SASH1: variants seen among roughly 807,000 people sequenced by gnomAD.
SASH1 encodes the protein SAM and SH3 domain-containing protein 1.
In SASH1, 44 loss-of-function variants were observed where a neutral mutation model predicts 125.2. The ratio of observed to expected loss-of-function variants is 0.35; its 90% CI spans 0.28 to 0.45. SASH1 has a LOEUF of 0.45. Ranked by LOEUF, SASH1 falls within the 20% of genes least tolerant of loss-of-function variation. The pLI is 1.00. For missense variants in SASH1, 1,426 were observed against 1,614.5 expected (o/e 0.88, Z 2.00); for synonymous variants, 639 against 649.1 (o/e 0.98, Z 0.24).
the SASH1 span, among the ~76,000 whole-genome samples, chr6:148,199,726 G>A: frequency 6.6e-6 from 1 of 151,050 alleles, no homozygotes; most frequent in Non-Finnish European, 1.5e-5. Context: ...GAAAGGAAGG[G>A]AGAGTGAGAG....
the SASH1 span, among the ~76,000 whole-genome samples, chr6:148,266,632 G>A: frequency 2.0e-5 from 3 of 151,990 alleles, no homozygotes; most frequent in Non-Finnish European, 4.4e-5. Context: ...ACAGGGTCTT[G>A]TTCTATTGCC....
the SASH1 span, among the ~76,000 whole-genome samples, chr6:148,234,491 C>T: frequency 6.6e-6 from 1 of 151,902 alleles, no homozygotes; most frequent in Non-Finnish European, 1.5e-5. Flanking sequence ...CATATCTGGG[C>T]TAGTCTGAGT....
chr6:148,505,142 T>C (rs567069276), intron 8 of SASH1, among the ~76,000 whole-genome samples: 8 of 152,318 alleles, frequency 5.3e-5, no homozygotes, highest in African/African-American at 9.6e-5. Context: ...CTGCCTATCT[T>C]AGAAATGAGA....
chr6:148,498,871 G>A (rs866338479), intron 8 of SASH1, among the ~76,000 whole-genome samples: 10 of 152,102 alleles, frequency 6.6e-5, no homozygotes, highest in African/African-American at 7.2e-5. Flanking sequence ...TTGCCCTAGC[G>A]CCGGTCCTTA....
chr6:148,547,814 A>AT (rs1391545015), intron 19 of SASH1, among the ~76,000 whole-genome samples: 2 of 152,176 alleles, frequency 1.3e-5, no homozygotes, highest in Admixed American at 1.3e-4. Context: ...ATATTATTGT[A>AT]TTTTAAATTC....
At chr6:148,267,364 T>TG (rs1339661511), upstream of SASH1, among the ~76,000 whole-genome samples, 2 of 139,510 alleles carry the variant, frequency 1.4e-5, no homozygotes, top group Non-Finnish European at 3.1e-5. Context: ...CCAGTACTAC[T>TG]TTGTGTGTGT....
At chr6:148,509,909 G>C (rs968764615) in intron 8 of SASH1, among the ~76,000 whole-genome samples, 12 of 152,216 alleles carry the variant, frequency 7.9e-5, no homozygotes, top group African/African-American at 2.9e-4. Context: ...TGTCAAGGAT[G>C]CACTTGTTCC....
In SASH1 at chr6:148,494,152, G is replaced by A. The variant is rs544972257; in HGVS notation, c.729+6437G>A. Reference sequence around the variant, plus strand: ...AGTTAGTGATCTATACCTGGTACTTGAATATTAACAAAAATGTTTGCTGTG... The same window carrying A: ...AGTTAGTGATCTATACCTGGTACTTAAATATTAACAAAAATGTTTGCTGTG... On this transcript the variant is annotated intron_variant, in intron 8 of 19. Transcript: ENST00000367467. 1.1e-4 allele frequency among the ~76,000 whole-genome samples: 17 copies of A among 152,238 alleles called. No homozygotes were observed. The South Asian group carries it at 3.5e-3, about 32-fold the overall frequency.
intron 8 of SASH1, among the ~76,000 whole-genome samples, chr6:148,500,263 T>C (rs1025211213): frequency 2.0e-5 from 3 of 151,932 alleles, no homozygotes; most frequent in African/African-American, 7.3e-5. Context: ...GAGGGCTTCA[T>C]TTTGTGGTCC....
the SASH1 span, among the ~76,000 whole-genome samples, chr6:148,234,115 G>T: frequency 2.0e-5 from 3 of 151,744 alleles, no homozygotes; most frequent in Non-Finnish European, 4.4e-5. Context: ...ATAGATCACT[G>T]CAGCTTTAAA....
chr6:148,500,847 GAGA>G (rs1779532584), intron 8 of SASH1, among the ~76,000 whole-genome samples: 2 of 152,056 alleles, frequency 1.3e-5, no homozygotes. Context: ...TAGTCGTTGT[GAGA>G]AGAATATTCT....
At chr6:148,462,668 T>C (rs1240292766) in intron 4 of SASH1, among the ~76,000 whole-genome samples, 2 of 152,212 alleles carry the variant, frequency 1.3e-5, no homozygotes, top group Non-Finnish European at 2.9e-5. Context: ...TTTTTGCAGG[T>C]TCTTCTGAGT....
the SASH1 span, among the ~76,000 whole-genome samples, chr6:148,205,761 T>C: frequency 6.6e-6 from 1 of 152,212 alleles, no homozygotes; most frequent in Non-Finnish European, 1.5e-5. Flanking sequence ...GGGCCTGGAC[T>C]GAACCCTGGG....
Position 148,387,648 on chromosome 6 carries a change from CTTT to C in SASH1, c.157-2485_157-2483del, listed in dbSNP as rs1562371493. The stretch of plus-strand genomic sequence containing the variant: ...TCTTTCTTTCTTTCTTTCTTTCTTT[CTTT>C]CTTTCTTTCTTTCTTTCTTTCTTTC... On this transcript the variant is annotated intron_variant, in intron 1 of 19. Coordinates refer to ENST00000367467, the MANE Select transcript of SASH1 (RefSeq NM_015278.5). Among the ~76,000 whole-genome samples, 22 of 46,984 alleles carry C rather than the reference CTTT, an allele frequency of 4.7e-4. 1 individual carries two copies. Among genetic ancestry groups the C allele is most frequent in the African/African-American group, 1.9e-3 (20 of 10,654 alleles). 30.8% of individuals were successfully genotyped at this position (46,984 alleles called of 152,430 possible). A position where few individuals can be genotyped will look rare whatever the true frequency, so the allele number is the denominator to read the frequency against.
intron 8 of SASH1, among the ~76,000 whole-genome samples, chr6:148,509,984 C>T (rs182255717): frequency 1.8e-4 from 28 of 152,316 alleles, no homozygotes; most frequent in African/African-American, 6.5e-4. Flanking sequence ...CCATAGGTTC[C>T]TCATTCAGTG....
intron 7 of SASH1, among the ~76,000 whole-genome samples, chr6:148,476,343 G>T (rs979845232): frequency 6.8e-6 from 1 of 147,492 alleles, no homozygotes; most frequent in Non-Finnish European, 1.5e-5. Context: ...TCATTAAAAT[G>T]GCTATGCTAC....
chr6:148,221,159 G>C, the SASH1 span, among the ~76,000 whole-genome samples: 1 of 152,118 alleles, frequency 6.6e-6, no homozygotes, highest in South Asian at 2.1e-4. Context: ...ATTTGAAAGA[G>C]ATCAATAAAT....
chr6:148,349,391 G>A (rs1226941130), intron 1 of SASH1, among the ~76,000 whole-genome samples: 1 of 150,776 alleles, frequency 6.6e-6, no homozygotes, highest in Non-Finnish European at 1.5e-5. Flanking sequence ...AGCCTCCCAA[G>A]TGGCTGGGAT....
intron 1 of SASH1, among the ~76,000 whole-genome samples, chr6:148,312,453 A>C (rs1780355798): frequency 6.6e-6 from 1 of 152,122 alleles, no homozygotes; most frequent in South Asian, 2.1e-4. Flanking sequence ...GGCTGCACTG[A>C]GCTATAAATC....
Sources: allele counts gnomAD v4.1 joint callset (sites outside exome capture counted in the v4.1 genomes callset), GRCh38; gene constraint gnomAD v4.1.1; transcripts MANE v1.5; gene names NCBI Gene and HGNC (gene_info 2026-07-23, HGNC 2026-07-21).